The following CNTNAP2 variants were observed in gnomAD, a reference collection of about 807,000 sequenced individuals.
CNTNAP2 encodes the protein contactin-associated protein-like 2.
In CNTNAP2, 98 loss-of-function variants were observed where a neutral mutation model predicts 155.2. The observed-to-expected ratio is 0.63, with a 90% CI of 0.54 to 0.75. The LOEUF is 0.75. Ranked by LOEUF, CNTNAP2 falls within the 30% of genes least tolerant of loss-of-function variation. The pLI is 0.00. For synonymous variants in CNTNAP2, 651 were observed against 631.2 expected, an observed-to-expected ratio of 1.03 and a Z score of -0.47; for missense variants, 1,727 against 1,688.1, an observed-to-expected ratio of 1.02 and a Z score of -0.40.
intron 8 of CNTNAP2, among the ~76,000 whole-genome samples, chr7:147,283,922 G>A (rs982173987): frequency 6.6e-6 from 1 of 151,536 alleles, no homozygotes; most frequent in African/African-American, 2.4e-5. Context: ...AAGATTCTAT[G>A]ACGTTACCAG....
intron 8 of CNTNAP2, among the ~76,000 whole-genome samples, chr7:147,217,016 T>C (rs939341510): frequency 1.3e-5 from 2 of 152,064 alleles, no homozygotes; most frequent in East Asian, 3.8e-4. Context: ...TGACTTTTTC[T>C]TATTAACCTC....
intron 1 of CNTNAP2, among the ~76,000 whole-genome samples, chr7:146,507,672 C>T (rs1439473231): frequency 6.6e-6 from 1 of 152,160 alleles, no homozygotes; most frequent in Admixed American, 6.5e-5. Flanking sequence ...GGCAGACAAT[C>T]CAGGCCTTTG....
In CNTNAP2 at chr7:148,140,493, G is replaced by A. The variant is rs143302102; in HGVS notation, c.2555-6998G>A. ...CTGGAGTGTGCAATGGCACCATCTC[G>A]GCTCACCACAACCTCCACCTCCCAG... On this transcript the variant is annotated intron_variant, in intron 16 of 23. Transcript: ENST00000361727. 7.8e-3 allele frequency among the ~76,000 whole-genome samples: 1,163 copies of A among 148,272 alleles called. 8 individuals are homozygous for A. The highest frequency in any genetic ancestry group is 0.012 in the Non-Finnish European group (832 of 67,486).
intron 11 of CNTNAP2, among the ~76,000 whole-genome samples, chr7:147,556,883 A>G (rs1487530624): frequency 2.6e-5 from 4 of 152,190 alleles, no homozygotes; most frequent in Admixed American, 6.5e-5. Context: ...AACTCATACA[A>G]TAGTACTTCA....
rs138196391 is a variant in CNTNAP2, at chr7:146,209,364, T to G, written c.97+92391T>G. Among the ~76,000 whole-genome samples, 411 of 152,296 alleles carry G rather than the reference T, an allele frequency of 2.7e-3. 2 individuals carry two copies. Among genetic ancestry groups the G allele is most frequent in the African/African-American group, 8.9e-3 (372 of 41,574 alleles). ...CACCTTGGATCTCTTAACTTTAGCC[T>G]CCTGAATCATCCTGTTCTTATGCAA... On this transcript the variant is annotated intron_variant, in intron 1 of 23. Coordinates refer to ENST00000361727, the MANE Select transcript of CNTNAP2 (RefSeq NM_014141.6).
chr7:146,533,287 T>A (rs964286810), intron 1 of CNTNAP2, among the ~76,000 whole-genome samples: 1 of 152,086 alleles, frequency 6.6e-6, no homozygotes, highest in South Asian at 2.1e-4. Context: ...TCAAACATTG[T>A]ATATGCCCAC....
intron 13 of CNTNAP2, among the ~76,000 whole-genome samples, chr7:147,828,285 T>C (rs1388868924): frequency 1.3e-5 from 2 of 152,158 alleles, no homozygotes; most frequent in Non-Finnish European, 2.9e-5. Flanking sequence ...GCAGACAAAA[T>C]TGGATCGAAG....
chr7:147,950,618 A>G (rs1479774654), intron 14 of CNTNAP2, among the ~76,000 whole-genome samples: 1 of 152,174 alleles, frequency 6.6e-6, no homozygotes, highest in Non-Finnish European at 1.5e-5. Context: ...CCAGCCTGCA[A>G]TACCTGGTGA....
At chr7:147,577,898 C>G (rs1487939069) in intron 12 of CNTNAP2, among the ~76,000 whole-genome samples, 1 of 152,020 alleles carries the variant, frequency 6.6e-6, no homozygotes, top group Non-Finnish European at 1.5e-5. Flanking sequence ...TTTGGGAGTT[C>G]CAGATTCTAT....
intron 1 of CNTNAP2, among the ~76,000 whole-genome samples, chr7:146,420,516 GT>G (rs1795995127): frequency 6.6e-6 from 1 of 151,976 alleles, no homozygotes; most frequent in Non-Finnish European, 1.5e-5. Flanking sequence ...TTTCTAATAA[GT>G]TTTCTGGCAA....
intron 3 of CNTNAP2, among the ~76,000 whole-genome samples, chr7:146,849,894 A>G (rs1467586746): frequency 6.6e-6 from 1 of 152,180 alleles, no homozygotes; most frequent in Non-Finnish European, 1.5e-5. Context: ...TCACTACAAT[A>G]ACTTTAAACA....
chr7:146,622,186 T>TATATACATATATATACACAC lies in CNTNAP2; in HGVS notation c.98-152077_98-152058dup, dbSNP rs1220558668. 1.4e-4 allele frequency among the ~76,000 whole-genome samples: 18 copies of TATATACATATATATACACAC among 128,024 alleles called. No homozygotes were observed. The East Asian group carries it at 3.3e-3, about 24-fold the overall frequency. The allele number at this position is 128,024 out of a possible 152,430, so 84.0% of individuals were successfully genotyped here. On this transcript the variant is annotated intron_variant, in intron 1 of 23. Coordinates refer to ENST00000361727, the MANE Select transcript of CNTNAP2 (RefSeq NM_014141.6). ...ATACACACACGTATATATATACACA[T>TATATACATATATATACACAC]ATATACATATATATACACACATATA...
intron 21 of CNTNAP2, among the ~76,000 whole-genome samples, chr7:148,368,307 A>G (rs1798822451): frequency 6.6e-6 from 1 of 152,208 alleles, no homozygotes; most frequent in Admixed American, 6.5e-5. Context: ...GGTATTAAGT[A>G]TAATCTGCAA....
chr7:147,345,672 G>C (rs550781274), intron 9 of CNTNAP2, among the ~76,000 whole-genome samples: 1 of 107,972 alleles, frequency 9.3e-6, no homozygotes, highest in South Asian at 2.9e-4. Context: ...AAAAAAGCTG[G>C]TCAGTGATAG....
In CNTNAP2 at chr7:146,116,818, A is replaced by C. The variant is rs1227190078; in HGVS notation, c.-59A>C. On this transcript the variant is annotated 5_prime_UTR_variant, in exon 1 of 24. Coordinates refer to ENST00000361727, the MANE Select transcript of CNTNAP2 (RefSeq NM_014141.6). The surrounding 1 kb of genome is among the most constrained non-coding windows in gnomAD (Gnocchi z 5.5). ...CCATCTCCCTTCAAGAACCCTACGG[A>C]GAGTCGGACTGCATCTCCGCAGCGA... The C allele has an allele frequency of 3.7e-6, 5 of 1,359,906 alleles. No homozygotes were observed. The highest frequency in any genetic ancestry group is 1.4e-5 in the African/African-American group (1 of 69,370). 84.2% of individuals were successfully genotyped at this position (1,359,906 alleles called of 1,614,324 possible). A position where few individuals can be genotyped will look rare whatever the true frequency, so the allele number is the denominator to read the frequency against.
chr7:147,389,806 G>C (rs1341150573), intron 9 of CNTNAP2, among the ~76,000 whole-genome samples: 1 of 152,152 alleles, frequency 6.6e-6, no homozygotes, highest in African/African-American at 2.4e-5. Flanking sequence ...TATAGACATT[G>C]TATTTTTTAT....
At chr7:146,893,193 T>C (rs1385786049) in intron 3 of CNTNAP2, among the ~76,000 whole-genome samples, 1 of 152,148 alleles carries the variant, frequency 6.6e-6, no homozygotes, top group Non-Finnish European at 1.5e-5. Flanking sequence ...AAAACCAGTA[T>C]ATAATGAGCT....
At chr7:147,531,621 G>A (rs1172114203) in intron 11 of CNTNAP2, among the ~76,000 whole-genome samples, 3 of 152,136 alleles carry the variant, frequency 2.0e-5, no homozygotes, top group Non-Finnish European at 4.4e-5. Flanking sequence ...CCTGGGCCTG[G>A]CCCATGAAAC....
At chr7:148,232,477 A>G (rs904197577) in intron 20 of CNTNAP2, among the ~76,000 whole-genome samples, 2 of 152,226 alleles carry the variant, frequency 1.3e-5, no homozygotes, top group African/African-American at 4.8e-5. Context: ...GATTTCCTCT[A>G]GAGTTTTCTA....
Sources: allele counts gnomAD v4.1 joint callset (sites outside exome capture counted in the v4.1 genomes callset), GRCh38; gene constraint gnomAD v4.1.1; non-coding constraint Gnocchi (gnomAD v3.1); transcripts MANE v1.5; gene names NCBI Gene and HGNC (gene_info 2026-07-23, HGNC 2026-07-21).